The following CADPS variants were observed in gnomAD, a reference collection of about 807,000 sequenced individuals.
CADPS encodes calcium-dependent secretion activator 1.
A neutral mutation model predicts 167.3 loss-of-function variants in CADPS; 57 were observed. That is an observed-to-expected ratio of 0.34 (90% CI 0.28 to 0.42). The LOEUF is 0.42. CADPS is among the 20% of genes least tolerant of loss of function. The pLI is 1.00. For missense variants in CADPS, 1,414 were observed against 1,738.1 expected (o/e 0.81, Z 3.32); for synonymous variants, 676 against 635.3 (o/e 1.06, Z -0.96).
intron 27 of CADPS, chr3:62,440,220 T>C (rs928495426): frequency 6.6e-6 from 1 of 152,176 alleles, no homozygotes; most frequent in African/African-American, 2.4e-5. Context: ...GCAAATCCTT[T>C]CTCCATCTCC....
chr3:62,559,584 T>A (rs936672623), intron 9 of CADPS, among the ~76,000 whole-genome samples: 1 of 152,142 alleles, frequency 6.6e-6, no homozygotes, highest in Non-Finnish European at 1.5e-5. Flanking sequence ...AACCTCCGCT[T>A]CCTGGGTTCA....
At chr3:62,806,063 A>G (rs2094073807) in intron 1 of CADPS, among the ~76,000 whole-genome samples, 1 of 151,296 alleles carries the variant, frequency 6.6e-6, no homozygotes, top group Non-Finnish European at 1.5e-5. Context: ...TTCATAATGT[A>G]CCCCTCAATT....
chr3:62,436,302 AC>A (rs1331295645), intron 28 of CADPS, among the ~76,000 whole-genome samples: 1 of 152,198 alleles, frequency 6.6e-6, no homozygotes, highest in Non-Finnish European at 1.5e-5. Flanking sequence ...GGTTATTCAC[AC>A]ACACTCACAC....
At chr3:62,756,116 C>A (rs1032463753) in intron 2 of CADPS, among the ~76,000 whole-genome samples, 2 of 150,214 alleles carry the variant, frequency 1.3e-5, no homozygotes, top group African/African-American at 4.9e-5. Context: ...TACAGTGGTG[C>A]GATCTTGGCT....
chr3:62,644,183 T>C lies in CADPS; in HGVS notation c.1325+1539A>G, dbSNP rs373799392. On this transcript the variant is annotated intron_variant, in intron 6 of 29. Transcript: ENST00000383710. ...TTTGAACATCCTGGCAAATTATTCATGTTCTGCCAAACAGCTCATAATGCT... is the reference window on the plus strand; with the variant it reads ...TTTGAACATCCTGGCAAATTATTCACGTTCTGCCAAACAGCTCATAATGCT... 4.6e-5 allele frequency among the ~76,000 whole-genome samples: 7 copies of C among 152,208 alleles called. No individual in the cohort carries two copies. In the East Asian group the frequency reaches 7.7e-4, roughly 17 times the overall value.
At chr3:62,619,333 G>A (rs1263133982) in intron 6 of CADPS, among the ~76,000 whole-genome samples, 1 of 152,054 alleles carries the variant, frequency 6.6e-6, no homozygotes, top group African/African-American at 2.4e-5. Flanking sequence ...GAACTTGGTG[G>A]TACTATGTGA....
chr3:62,628,861 G>A (rs1020580436), intron 6 of CADPS, among the ~76,000 whole-genome samples: 2 of 151,848 alleles, frequency 1.3e-5, no homozygotes, highest in Admixed American at 6.6e-5. Flanking sequence ...TCTTGACCTC[G>A]TGATTCACCC....
chr3:62,775,952 C>A (rs2090180710), intron 1 of CADPS, among the ~76,000 whole-genome samples: 1 of 152,192 alleles, frequency 6.6e-6, no homozygotes, highest in South Asian at 2.1e-4. Flanking sequence ...ATTACTAGTA[C>A]AGTTTGGCAC....
At position 62,779,798 on chromosome 3, in the gene CADPS, A is replaced by G. The variant is rs1225910709; in HGVS notation, c.442-13814T>C. 9 of 263,432 alleles carry G rather than the reference A, an allele frequency of 3.4e-5. No homozygotes were observed. In the East Asian group the frequency reaches 5.0e-4, roughly 15 times the overall value. 16.3% of individuals were successfully genotyped at this position (263,432 alleles called of 1,614,324 possible). A position where few individuals can be genotyped will look rare whatever the true frequency, so the allele number is the denominator to read the frequency against. Reference sequence around the variant, plus strand: ...AGCTCCTCAACACAATGTCAGTGGCATTCAGTGAGAAGGAAACTAGATTTT... The same window carrying G: ...AGCTCCTCAACACAATGTCAGTGGCGTTCAGTGAGAAGGAAACTAGATTTT... On this transcript the variant is annotated intron_variant, in intron 1 of 29. Coordinates refer to ENST00000383710, the MANE Select transcript of CADPS (RefSeq NM_003716.4).
At chr3:62,788,088 T>G (rs1576416543) in intron 1 of CADPS, among the ~76,000 whole-genome samples, 1 of 152,224 alleles carries the variant, frequency 6.6e-6, no homozygotes, top group African/African-American at 2.4e-5. Context: ...GCTGCTCAAC[T>G]AGGTCAGATG....
intron 6 of CADPS, among the ~76,000 whole-genome samples, chr3:62,611,131 G>A (rs2061446850): frequency 6.6e-6 from 1 of 152,028 alleles, no homozygotes; most frequent in South Asian, 2.1e-4. Context: ...CTGTCTCATA[G>A]GCACCCCACA....
At chr3:62,545,506 CAAT>C (rs1189579527) in intron 11 of CADPS, among the ~76,000 whole-genome samples, 1 of 152,032 alleles carries the variant, frequency 6.6e-6, no homozygotes, top group Non-Finnish European at 1.5e-5. Context: ...ATTAAATCAA[CAAT>C]GACACACACA....
chr3:62,676,642 TC>T (rs1267616840), intron 3 of CADPS, among the ~76,000 whole-genome samples: 1 of 152,124 alleles, frequency 6.6e-6, no homozygotes. Flanking sequence ...GTGTTTCACC[TC>T]CTTTTAAGTC....
chr3:62,864,850 A>G (rs1392928494), intron 1 of CADPS, among the ~76,000 whole-genome samples: 2 of 152,128 alleles, frequency 1.3e-5, no homozygotes, highest in Non-Finnish European at 2.9e-5. Context: ...CACTATCCTG[A>G]CTTAGTCTAC....
At chr3:62,685,617 TATA>T (rs1252369145) in intron 3 of CADPS, among the ~76,000 whole-genome samples, 2 of 147,056 alleles carry the variant, frequency 1.4e-5, no homozygotes, top group African/African-American at 2.5e-5. Flanking sequence ...TCTAGTGTTT[TATA>T]GCAGCGGTCC....
chr3:62,796,681 T>G (rs1416038744), intron 1 of CADPS, among the ~76,000 whole-genome samples: 1 of 152,156 alleles, frequency 6.6e-6, no homozygotes, highest in African/African-American at 2.4e-5. Context: ...TTCACTCTGA[T>G]TGGAAACCAT....
chr3:62,590,018 G>C (rs1662560980), intron 7 of CADPS, among the ~76,000 whole-genome samples: 1 of 151,910 alleles, frequency 6.6e-6, no homozygotes, highest in Admixed American at 6.6e-5. Context: ...GTAAAACCCT[G>C]TCTCTACTAA....
chr3:62,746,158 T>G (rs1204664228), intron 3 of CADPS, among the ~76,000 whole-genome samples: 1 of 152,204 alleles, frequency 6.6e-6, no homozygotes, highest in Non-Finnish European at 1.5e-5. Flanking sequence ...GGTCCCACCC[T>G]TGAGTGTGGG....
At chr3:62,824,217 C>G (rs1227656173) in intron 1 of CADPS, among the ~76,000 whole-genome samples, 1 of 151,084 alleles carries the variant, frequency 6.6e-6, no homozygotes, top group Admixed American at 6.6e-5. Context: ...AGAATGTCTT[C>G]ATAGACACAT....
Sources: allele counts gnomAD v4.1 joint callset (sites outside exome capture counted in the v4.1 genomes callset), GRCh38; gene constraint gnomAD v4.1.1; transcripts MANE v1.5; gene names NCBI Gene and HGNC (gene_info 2026-07-23, HGNC 2026-07-21).